Variants in ZNF804A observed in about 807,000 individuals in gnomAD.
ZNF804A encodes the protein zinc finger protein 804A.
ZNF804A carries 2 observed loss-of-function variants against 16.5 expected under a neutral mutation model. The observed-to-expected ratio is 0.12, with a 90% CI of 0.05 to 0.38. The LOEUF (loss-of-function observed/expected upper bound fraction) is 0.38, where lower values mean the gene tolerates loss of function less well. Ranked by LOEUF, ZNF804A falls within the 10% of genes least tolerant of loss-of-function variation. The pLI is 0.99. For synonymous variants in ZNF804A, 534 were observed against 489.6 expected, an observed-to-expected ratio of 1.09 and a Z score of -1.20; for missense variants, 1,473 against 1,390.7, an observed-to-expected ratio of 1.06 and a Z score of -0.94.
At chr2:184,912,417 T>C (rs968890086) in intron 2 of ZNF804A, among the ~76,000 whole-genome samples, 1 of 151,992 alleles carries the variant, frequency 6.6e-6, no homozygotes, top group African/African-American at 2.4e-5. Context: ...GTCATTTGTG[T>C]AAAATTTTTT....
intron 1 of ZNF804A, among the ~76,000 whole-genome samples, chr2:184,748,086 C>T (rs974505380): frequency 2.0e-5 from 3 of 149,110 alleles, no homozygotes; most frequent in African/African-American, 4.9e-5. Flanking sequence ...TAAATAGCAT[C>T]GTGATGCATG....
At chr2:184,882,451 A>T (rs1684822808) in intron 2 of ZNF804A, among the ~76,000 whole-genome samples, 1 of 152,068 alleles carries the variant, frequency 6.6e-6, no homozygotes, top group Admixed American at 6.6e-5. Flanking sequence ...CATTTCACCA[A>T]ATGGACCCAA....
rs151076669 is a variant in ZNF804A at position 184,624,004 on chromosome 2, A to T, written c.111+24934A>T. ...CTTATTTAAACAATTAGTCAGGGGG[A>T]CTAAAAATTCTTAGGTATGTCTGGC... is the stretch of plus-strand genomic sequence containing the variant. On this transcript the variant is annotated intron_variant, in intron 1 of 3. Coordinates refer to ENST00000302277, the MANE Select transcript of ZNF804A (RefSeq NM_194250.2). Among the ~76,000 whole-genome samples the T allele has an allele frequency of 8.2e-3, 1,244 of 152,282 alleles. 11 individuals are homozygous for T. Among genetic ancestry groups the T allele is most frequent in the Non-Finnish European group, 0.014 (980 of 68,012 alleles).
chr2:184,929,039 CT>C (rs922683832), intron 2 of ZNF804A, among the ~76,000 whole-genome samples: 12 of 152,042 alleles, frequency 7.9e-5, no homozygotes, highest in East Asian at 3.9e-4. Context: ...ATGAAGGTGC[CT>C]TTTTTGTGTA....
chr2:184,779,465 GTTACATGGGAAAGGGAAA>G (rs1157243103), intron 1 of ZNF804A, among the ~76,000 whole-genome samples: 1 of 151,614 alleles, frequency 6.6e-6, no homozygotes, highest in African/African-American at 2.4e-5. Flanking sequence ...AATATGTTAG[GTTACATGGGAAAGGGAAA>G]TTCTGTTTAC....
At chr2:184,878,571 A>G (rs1191821870) in intron 2 of ZNF804A, among the ~76,000 whole-genome samples, 1 of 152,094 alleles carries the variant, frequency 6.6e-6, no homozygotes, top group Non-Finnish European at 1.5e-5. Context: ...CAAGGATCAT[A>G]AATAAGAAAT....
intron 1 of ZNF804A, among the ~76,000 whole-genome samples, chr2:184,698,821 G>C (rs1043473144): frequency 3.9e-5 from 6 of 152,046 alleles, no homozygotes; most frequent in African/African-American, 1.4e-4. Context: ...CTGTCCGTAG[G>C]TAGAGAGAAA....
At chr2:184,890,021 C>T (rs961514464) in intron 2 of ZNF804A, among the ~76,000 whole-genome samples, 1 of 151,972 alleles carries the variant, frequency 6.6e-6, no homozygotes, top group Non-Finnish European at 1.5e-5. Context: ...TTTTATAAAA[C>T]AAGCAGATAT....
chr2:184,766,993 G>C (rs1694138579), intron 1 of ZNF804A, among the ~76,000 whole-genome samples: 1 of 152,082 alleles, frequency 6.6e-6, no homozygotes, highest in South Asian at 2.1e-4. Context: ...CCAGAGGCAT[G>C]CAACTACAGA....
intron 1 of ZNF804A, among the ~76,000 whole-genome samples, chr2:184,646,143 A>G (rs1475076365): frequency 6.6e-6 from 1 of 152,176 alleles, no homozygotes; most frequent in African/African-American, 2.4e-5. Flanking sequence ...ACTCAGCAGC[A>G]TGACCACATG....
At chr2:184,853,681 T>C (rs1171425726) in intron 1 of ZNF804A, among the ~76,000 whole-genome samples, 1 of 151,886 alleles carries the variant, frequency 6.6e-6, no homozygotes, top group Non-Finnish European at 1.5e-5. Context: ...TTTCTATTAA[T>C]ATGGTGTGTC....
rs1408458743 is a variant in ZNF804A at position 184,765,614 on chromosome 2, C to CG, written c.112-100755_112-100754insG. Among the ~76,000 whole-genome samples, 142 of 141,658 alleles carry CG rather than the reference C, an allele frequency of 1.0e-3. 2 individuals are homozygous for CG. Among genetic ancestry groups the CG allele is most frequent in the Admixed American group, 1.5e-3 (21 of 14,234 alleles). 92.9% of individuals were successfully genotyped at this position (141,658 alleles called of 152,430 possible). A position where few individuals can be genotyped will look rare whatever the true frequency, so the allele number is the denominator to read the frequency against. ...CTACCCCCTCACATGCACCCCCCCC[C>CG]CTTAGAGTCGTGAGCCCTTAAAAGG... On this transcript the variant is annotated intron_variant, in intron 1 of 3. Coordinates refer to ENST00000302277, the MANE Select transcript of ZNF804A (RefSeq NM_194250.2).
At chr2:184,873,714 A>C (rs2105814473) in intron 2 of ZNF804A, among the ~76,000 whole-genome samples, 1 of 152,330 alleles carries the variant, frequency 6.6e-6, no homozygotes, top group South Asian at 2.1e-4. Flanking sequence ...AACTGAACAA[A>C]AATATTTGAG....
intron 1 of ZNF804A, among the ~76,000 whole-genome samples, chr2:184,669,771 C>CACTCAA (rs1263532658): frequency 6.6e-6 from 1 of 151,236 alleles, no homozygotes; most frequent in Non-Finnish European, 1.5e-5. Flanking sequence ...CACGCACACA[C>CACTCAA]ACACACACAC....
intron 2 of ZNF804A, among the ~76,000 whole-genome samples, chr2:184,880,262 G>C (rs1684788188): frequency 6.6e-6 from 1 of 152,088 alleles, no homozygotes; most frequent in Admixed American, 6.6e-5. Context: ...GGAAGAGTAA[G>C]TTATGCTGGA....
At chr2:184,841,957 T>G (rs1274268104) in intron 1 of ZNF804A, among the ~76,000 whole-genome samples, 1 of 152,138 alleles carries the variant, frequency 6.6e-6, no homozygotes, top group Non-Finnish European at 1.5e-5. Context: ...TTATCATATG[T>G]AAAATGGGGC....
intron 1 of ZNF804A, among the ~76,000 whole-genome samples, chr2:184,838,002 G>A (rs1357063671): frequency 1.3e-5 from 2 of 152,220 alleles, no homozygotes; most frequent in East Asian, 1.9e-4. Flanking sequence ...AGCCCCAGCA[G>A]CAGAAATTTC....
At chr2:184,615,147 C>G (rs1691298925) in intron 1 of ZNF804A, among the ~76,000 whole-genome samples, 1 of 152,152 alleles carries the variant, frequency 6.6e-6, no homozygotes, top group African/African-American at 2.4e-5. Context: ...AAATGCCCAT[C>G]AATGATAGAC....
At chr2:184,840,118 G>A (rs1695413845) in intron 1 of ZNF804A, among the ~76,000 whole-genome samples, 1 of 152,178 alleles carries the variant, frequency 6.6e-6, no homozygotes, top group African/African-American at 2.4e-5. Flanking sequence ...GGCCATCGTG[G>A]TGGTTCACAC....
Sources: gnomAD v4.1 joint callset for allele counts (sites outside exome capture counted in the v4.1 genomes callset) on GRCh38, gnomAD v4.1.1 for gene constraint, MANE v1.5 for transcripts, NCBI Gene and HGNC (gene_info 2026-07-23, HGNC 2026-07-21) for gene names.